Variants in PAPPA2 observed in about 807,000 individuals in gnomAD.
PAPPA2 encodes the protein pappalysin 2.
In PAPPA2, 86 loss-of-function variants were observed where a neutral mutation model predicts 176.4. That is an observed-to-expected ratio of 0.49 (90% CI 0.41 to 0.58). The LOEUF is 0.58. Ranked by LOEUF, PAPPA2 falls within the 20% of genes least tolerant of loss-of-function variation. The probability of loss-of-function intolerance (pLI) is 0.00; values close to 1 mark genes in which losing one functional copy is unlikely to be tolerated. For synonymous variants in PAPPA2, 809 were observed against 852.2 expected (o/e 0.95, Z 0.88); for missense variants, 2,073 against 2,256.9 (o/e 0.92, Z 1.65).
At chr1:176,839,149 A>G (rs1667387760) in intron 21 of PAPPA2, among the ~76,000 whole-genome samples, 1 of 152,216 alleles carries the variant, frequency 6.6e-6, no homozygotes, top group South Asian at 2.1e-4. Flanking sequence ...GAATTTGACC[A>G]CAAGATGTTT....
chr1:176,601,303 T>C (rs1294402004), intron 3 of PAPPA2, among the ~76,000 whole-genome samples: 1 of 152,160 alleles, frequency 6.6e-6, no homozygotes, highest in East Asian at 1.9e-4. Context: ...TTAATCTCTT[T>C]TTTTCATAAA....
At chr1:176,644,025 C>T (rs1657248736) in intron 3 of PAPPA2, among the ~76,000 whole-genome samples, 1 of 151,812 alleles carries the variant, frequency 6.6e-6, no homozygotes, top group Non-Finnish European at 1.5e-5. Flanking sequence ...CACCTCAACA[C>T]TTGCAACTTT....
chr1:176,699,895 G>T (rs767363258), intron 8 of PAPPA2, among the ~76,000 whole-genome samples: 1 of 152,158 alleles, frequency 6.6e-6, no homozygotes, highest in Admixed American at 6.5e-5. Context: ...ACTCCTGTCT[G>T]GTGACAATTT....
At chr1:176,788,835 A>G (rs1665051987) in intron 17 of PAPPA2, among the ~76,000 whole-genome samples, 1 of 152,232 alleles carries the variant, frequency 6.6e-6, no homozygotes, top group Non-Finnish European at 1.5e-5. Flanking sequence ...CAGTCATCTC[A>G]GAAGTTATTT....
intron 12 of PAPPA2, among the ~76,000 whole-genome samples, chr1:176,739,029 A>G (rs1662548502): frequency 1.3e-5 from 2 of 152,106 alleles, no homozygotes; most frequent in African/African-American, 4.8e-5. Flanking sequence ...TGCACCAGGA[A>G]GACACATAAG....
rs574340877 is a variant in PAPPA2, at chr1:176,607,574, G to C, written c.1991+11979G>C. On this transcript the variant is annotated intron_variant, in intron 3 of 22. Transcript: ENST00000367662. ...TTGTGGCTGAATATTATTCCATCGT[G>C]TATATATACATGTTCTTTATCCAGT... Among the ~76,000 whole-genome samples, 43 of 152,258 alleles carry C rather than the reference G, an allele frequency of 2.8e-4. 1 individual carries two copies. The South Asian group carries it at 8.9e-3, about 32-fold the overall frequency.
At chr1:176,540,792 C>G (rs1164169853) in intron 1 of PAPPA2, among the ~76,000 whole-genome samples, 2 of 152,136 alleles carry the variant, frequency 1.3e-5, no homozygotes, top group Non-Finnish European at 2.9e-5. Context: ...AGCTCCAACA[C>G]CCCCCAGCAG....
intron 22 of PAPPA2, among the ~76,000 whole-genome samples, chr1:176,840,636 A>G (rs1667453425): frequency 6.6e-6 from 1 of 152,204 alleles, no homozygotes; most frequent in South Asian, 2.1e-4. Context: ...AACCATCTCC[A>G]TAATTACATT....
chr1:176,796,196 A>G (rs1456593025), intron 20 of PAPPA2, among the ~76,000 whole-genome samples: 1 of 152,194 alleles, frequency 6.6e-6, no homozygotes, highest in Non-Finnish European at 1.5e-5. Context: ...ATTTTTAAGC[A>G]TGGAATCATT....
intron 12 of PAPPA2, among the ~76,000 whole-genome samples, chr1:176,726,865 G>A (rs1661902031): frequency 6.6e-6 from 1 of 152,206 alleles, no homozygotes; most frequent in Non-Finnish European, 1.5e-5. Context: ...GGTAAAAAAG[G>A]AAGTTGAGCA....
chr1:176,724,451 C>T (rs189960586), intron 12 of PAPPA2, among the ~76,000 whole-genome samples: 21 of 152,158 alleles, frequency 1.4e-4, no homozygotes, highest in African/African-American at 4.6e-4. Flanking sequence ...ATAGGGAGCC[C>T]GTCAACATAT....
At chr1:176,588,691 G>A (rs1653471995) in intron 2 of PAPPA2, among the ~76,000 whole-genome samples, 3 of 152,206 alleles carry the variant, frequency 2.0e-5, no homozygotes, top group Admixed American at 2.0e-4. Flanking sequence ...TATTTCTTAG[G>A]TGGAGGGAGG....
intron 1 of PAPPA2, 30 bp from the exon 2 acceptor site, chr1:176,555,376 CT>C (rs1173700240): frequency 6.6e-6 from 1 of 152,282 alleles, no homozygotes; most frequent in East Asian, 1.9e-4. Context: ...AGTGTATGCT[CT>C]TCTTTTTGCT....
chr1:176,731,754 T>TAC (rs1377607084), intron 12 of PAPPA2, among the ~76,000 whole-genome samples: 2 of 150,262 alleles, frequency 1.3e-5, no homozygotes, highest in African/African-American at 5.0e-5. Context: ...TACATATATA[T>TAC]ACGCATACAC....
chr1:176,586,921 C>G (rs550388429), intron 2 of PAPPA2, among the ~76,000 whole-genome samples: 2 of 152,126 alleles, frequency 1.3e-5, no homozygotes, highest in Non-Finnish European at 2.9e-5. Context: ...AGTGTAAAAG[C>G]TTTCCTATTT....
chr1:176,632,525 T>C (rs985467645), intron 3 of PAPPA2, among the ~76,000 whole-genome samples: 6 of 151,592 alleles, frequency 4.0e-5, no homozygotes, highest in Admixed American at 3.9e-4. Context: ...AGAAACTCCG[T>C]CTCAAAAAAA....
At chr1:176,566,658 T>C (rs188652455) in intron 2 of PAPPA2, among the ~76,000 whole-genome samples, 9 of 152,312 alleles carry the variant, frequency 5.9e-5, no homozygotes, top group Non-Finnish European at 8.8e-5. Flanking sequence ...GGCTGGAAAG[T>C]AGGAATCACT....
In PAPPA2 at chr1:176,699,538, C is replaced by T; in HGVS notation, c.3185C>T (p.Ala1062Val). 1 of 1,612,488 alleles carries T rather than the reference C, an allele frequency of 6.2e-7. No homozygotes were observed. Among genetic ancestry groups the T allele is most frequent in the East Asian group, 2.2e-5 (1 of 44,798 alleles). Residue 1062 changes from alanine to valine, a missense_variant, in exon 8 of 23, where the codon GCC becomes GTC. This residue lies in a region of PAPPA2 where 846 missense variants were observed against 857.9 expected (regional missense o/e 0.99). Coordinates refer to ENST00000367662, the MANE Select transcript of PAPPA2 (RefSeq NM_020318.3). ...CAGGTTCTCCGCGATCCCCCATTTG[C>T]CAGTGGTTTGCCCGTGGTGGTGACA... ...RYQVLRDPPF[A>V]SGLPVVVTHS...
chr1:176,794,081 T>C (rs1179471907), intron 20 of PAPPA2, among the ~76,000 whole-genome samples: 1 of 152,210 alleles, frequency 6.6e-6, no homozygotes, highest in Non-Finnish European at 1.5e-5. Flanking sequence ...AAGTATACTT[T>C]TAGATGCCTA....
Sources: allele counts gnomAD v4.1 joint callset (sites outside exome capture counted in the v4.1 genomes callset), GRCh38; gene constraint gnomAD v4.1.1; regional missense constraint gnomAD v4.1.1; transcripts MANE v1.5; gene names NCBI Gene and HGNC (gene_info 2026-07-23, HGNC 2026-07-21).